The following NPHP4 variants were observed in gnomAD, a reference collection of about 807,000 sequenced individuals.
NPHP4 encodes nephrocystin 4.
A neutral mutation model predicts 155.8 loss-of-function variants in NPHP4; 151 were observed. That is an observed-to-expected ratio of 0.97 (90% CI 0.85 to 1.11). NPHP4 has a LOEUF of 1.11. NPHP4 is among the 50% of genes least tolerant of loss of function. The pLI is 0.00. For missense variants in NPHP4, 1,956 were observed against 1,925.7 expected (o/e 1.02, Z -0.29); for synonymous variants, 845 against 816.8 (o/e 1.03, Z -0.59).
At chr1:5,916,629 A>G (rs1331820561) in intron 11 of NPHP4, among the ~76,000 whole-genome samples, 3 of 152,230 alleles carry the variant, frequency 2.0e-5, no homozygotes, top group Admixed American at 6.5e-5. Context: ...TCCAGTAACC[A>G]AGGCACACTC....
rs375807896 is a variant in NPHP4 at position 5,986,297 on chromosome 1, G to A, written c.-8C>T. 192 of 1,613,242 alleles carry A rather than the reference G, an allele frequency of 1.2e-4. No individual in the cohort carries two copies. The highest frequency in any genetic ancestry group is 1.5e-4 in the Non-Finnish European group (178 of 1,179,602). ...CCTGTGCCAGTCGTTCATCCTGCCC[G>A]CCTGAGGGTCCCGTGGGCTTCCCGG... On this transcript the variant is annotated 5_prime_UTR_variant, in exon 2 of 30. Transcript: ENST00000378156.
chr1:5,921,664 C>T (rs1412072990), intron 11 of NPHP4, among the ~76,000 whole-genome samples: 1 of 152,254 alleles, frequency 6.6e-6, no homozygotes, highest in African/African-American at 2.4e-5. Context: ...CGTTAGCGAT[C>T]GCCCAGCAAC....
chr1:5,879,728 C>T (rs775322354), intron 19 of NPHP4: 12 of 408,822 alleles, frequency 2.9e-5, no homozygotes, highest in Non-Finnish European at 5.3e-5. Flanking sequence ...ATGGACAGCA[C>T]AGTCCTGCCC....
intron 6 of NPHP4, among the ~76,000 whole-genome samples, chr1:5,956,853 T>C (rs568143170): frequency 2.4e-4 from 37 of 152,300 alleles, no homozygotes; most frequent in African/African-American, 8.4e-4. Context: ...GGCCCTATTA[T>C]TGTCCCCAAT....
chr1:5,978,706 G>A (rs934018356), intron 2 of NPHP4, among the ~76,000 whole-genome samples: 2 of 152,124 alleles, frequency 1.3e-5, no homozygotes, highest in Non-Finnish European at 1.5e-5. Flanking sequence ...AGACACATGC[G>A]CCTGCCAGGA....
chr1:5,888,401 G>C, intron 17 of NPHP4: 1 of 1,089,362 alleles, frequency 9.2e-7, no homozygotes, highest in Non-Finnish European at 1.1e-6. Context: ...TCCGGATTTT[G>C]TAATTCTCCA....
At chr1:5,875,133 C>T (rs1261418958) in intron 20 of NPHP4, 33 bp from the exon 21 acceptor site, 1 of 1,510,342 alleles carries the variant, frequency 6.6e-7, no homozygotes, top group Non-Finnish European at 9.0e-7. Flanking sequence ...GGACAGGGTC[C>T]CAGGCACACT....
At chr1:5,868,855 CACAT>C (rs938597213) in intron 23 of NPHP4, among the ~76,000 whole-genome samples, 5 of 143,806 alleles carry the variant, frequency 3.5e-5, no homozygotes, top group Non-Finnish European at 7.6e-5. Flanking sequence ...CGCATGCACA[CACAT>C]ACATGCACAC....
intron 6 of NPHP4, among the ~76,000 whole-genome samples, chr1:5,960,013 G>A (rs1211757001): frequency 6.6e-6 from 1 of 152,246 alleles, no homozygotes; most frequent in Non-Finnish European, 1.5e-5. Flanking sequence ...GCCCTCCCTG[G>A]CCAGCAGAAC....
chr1:5,965,381 C>T (rs1221534625), intron 5 of NPHP4, among the ~76,000 whole-genome samples: 2 of 152,130 alleles, frequency 1.3e-5, no homozygotes, highest in African/African-American at 4.8e-5. Flanking sequence ...TCCACACAGA[C>T]GCATGGACAT....
At position 5,873,620 on chromosome 1, in the gene NPHP4, G is replaced by A. The variant is rs565703097; in HGVS notation, c.3232-285C>T. 9.2e-5 allele frequency: 48 copies of A among 520,028 alleles called. 1 individual carries two copies. The South Asian group carries it at 1.1e-3, about 12-fold the overall frequency. The allele number at this position is 520,028 out of a possible 1,614,324, so 32.2% of individuals were successfully genotyped here. A position where few individuals can be genotyped will look rare whatever the true frequency, so the allele number is the denominator to read the frequency against. ...ACAGCCCATCCCAAGAGCCAGCATG[G>A]CATCCTGTGAGTGAGCCTCTAGGGA... is the stretch of plus-strand genomic sequence containing the variant. On this transcript the variant is annotated intron_variant, in intron 22 of 29. Transcript: ENST00000378156.
At chr1:5,934,723 A>T (rs1646446980) in intron 9 of NPHP4, among the ~76,000 whole-genome samples, 1 of 152,320 alleles carries the variant, frequency 6.6e-6, no homozygotes, top group Non-Finnish European at 1.5e-5. Flanking sequence ...CACAGCGAGG[A>T]GGTGGCCCGG....
intron 7 of NPHP4, among the ~76,000 whole-genome samples, chr1:5,949,655 GA>G (rs1366328168): frequency 2.0e-5 from 3 of 151,924 alleles, no homozygotes; most frequent in Non-Finnish European, 4.4e-5. Flanking sequence ...ACAGTCAGAG[GA>G]CCCCGTCCAG....
intron 11 of NPHP4, among the ~76,000 whole-genome samples, chr1:5,926,945 A>C (rs1456135547): frequency 6.6e-6 from 1 of 152,228 alleles, no homozygotes; most frequent in Admixed American, 6.5e-5. Context: ...AGACGCCTAG[A>C]GCCAAGGCCC....
At chr1:5,873,458 C>T (rs1207192803) in intron 22 of NPHP4, 123 bp from the exon 23 acceptor site, 2 of 754,594 alleles carry the variant, frequency 2.7e-6, no homozygotes, top group Non-Finnish European at 4.7e-6. Flanking sequence ...ACTGACTCTC[C>T]AGGCAGCAAC....
chr1:5,874,238 TAGG>T (rs1469786256), intron 22 of NPHP4, among the ~76,000 whole-genome samples: 2 of 151,550 alleles, frequency 1.3e-5, no homozygotes, highest in Non-Finnish European at 2.9e-5. Flanking sequence ...TAAAGAAAAT[TAGG>T]AGGAGATGGT....
chr1:5,990,984 T>A (rs1012424502), intron 1 of NPHP4, among the ~76,000 whole-genome samples: 1 of 151,874 alleles, frequency 6.6e-6, no homozygotes, highest in Admixed American at 6.5e-5. Flanking sequence ...AGAAAGCCAG[T>A]GGGGGAGAAA....
intron 16 of NPHP4, among the ~76,000 whole-genome samples, chr1:5,894,055 T>C (rs1020475260): frequency 6.6e-6 from 1 of 152,232 alleles, no homozygotes; most frequent in Non-Finnish European, 1.5e-5. Flanking sequence ...TACTCATATA[T>C]AAACACATCT....
At chr1:5,906,271 G>A (rs989541856) in intron 13 of NPHP4, among the ~76,000 whole-genome samples, 1 of 152,242 alleles carries the variant, frequency 6.6e-6, no homozygotes, top group Non-Finnish European at 1.5e-5. Context: ...TGTCCCCACA[G>A]CCCCTGAAAC....
Sources: gnomAD v4.1 joint callset for allele counts (sites outside exome capture counted in the v4.1 genomes callset) on GRCh38, gnomAD v4.1.1 for gene constraint, MANE v1.5 for transcripts, NCBI Gene and HGNC (gene_info 2026-07-23, HGNC 2026-07-21) for gene names.